The following ADAMTSL3 variants were observed in gnomAD, a reference collection of about 807,000 sequenced individuals.
ADAMTSL3 encodes ADAMTS-like protein 3.
ADAMTSL3 carries 128 observed loss-of-function variants against 201.7 expected under a neutral mutation model. That is an observed-to-expected ratio of 0.63 (90% CI 0.55 to 0.73). The LOEUF (loss-of-function observed/expected upper bound fraction) is 0.73. ADAMTSL3 is among the 30% of genes least tolerant of loss of function. The pLI is 0.00. For missense variants in ADAMTSL3, 1,990 were observed against 2,119.6 expected (o/e 0.94, Z 1.20); for synonymous variants, 738 against 748.4 (o/e 0.99, Z 0.23).
intron 4 of ADAMTSL3, among the ~76,000 whole-genome samples, chr15:83,801,645 A>T (rs28373543): frequency 0.51 from 22,010 of 43,054 alleles, 4,752 homozygotes; most frequent in East Asian, 0.72. Context: ...TAAATATATA[A>T]ATATAAATAT....
At chr15:83,839,107 T>C (rs147309900) in intron 7 of ADAMTSL3, among the ~76,000 whole-genome samples, 21 of 152,356 alleles carry the variant, frequency 1.4e-4, no homozygotes, top group African/African-American at 5.0e-4. Flanking sequence ...TTGTTTTTCT[T>C]TATAATAATT....
chr15:84,024,574 A>G (rs992282601), intron 26 of ADAMTSL3, among the ~76,000 whole-genome samples: 1 of 152,246 alleles, frequency 6.6e-6, no homozygotes, highest in African/African-American at 2.4e-5. Flanking sequence ...AACCATGGAC[A>G]TCATGTTAGA....
intron 3 of ADAMTSL3, among the ~76,000 whole-genome samples, chr15:83,731,619 A>G (rs1212873631): frequency 6.6e-6 from 1 of 152,088 alleles, no homozygotes; most frequent in Non-Finnish European, 1.5e-5. Context: ...TGTTCATTGC[A>G]GTGTTATACT....
At chr15:83,802,361 TTTA>T (rs1280203132) in intron 4 of ADAMTSL3, among the ~76,000 whole-genome samples, 1 of 152,116 alleles carries the variant, frequency 6.6e-6, no homozygotes, top group East Asian at 1.9e-4. Context: ...CTTCTAGGTA[TTTA>T]CCCAAGAGAA....
At chr15:83,664,930 C>T (rs1030265113) in intron 2 of ADAMTSL3, among the ~76,000 whole-genome samples, 10 of 152,082 alleles carry the variant, frequency 6.6e-5, no homozygotes, top group Non-Finnish European at 1.0e-4. Flanking sequence ...ACCCTGGGGA[C>T]GACCTTGAAG....
chr15:83,828,352 C>T (rs1013588336), intron 6 of ADAMTSL3, among the ~76,000 whole-genome samples: 3 of 152,178 alleles, frequency 2.0e-5, no homozygotes, highest in African/African-American at 7.2e-5. Context: ...TATAAGAATG[C>T]TTGTGATTTT....
intron 2 of ADAMTSL3, among the ~76,000 whole-genome samples, chr15:83,681,665 G>A (rs1020213890): frequency 6.6e-6 from 1 of 152,186 alleles, no homozygotes; most frequent in African/African-American, 2.4e-5. Flanking sequence ...GGCTGTGGAA[G>A]CTGGGGTCAT....
intron 15 of ADAMTSL3, among the ~76,000 whole-genome samples, chr15:83,903,944 A>AG (rs1727922340): frequency 5.6e-5 from 3 of 53,574 alleles, no homozygotes; most frequent in African/African-American, 2.8e-4. Context: ...AAAAAAAAAA[A>AG]GAAAAAAGAA....
intron 3 of ADAMTSL3, among the ~76,000 whole-genome samples, chr15:83,751,729 T>G (rs1302261660): frequency 6.6e-6 from 1 of 152,190 alleles, no homozygotes; most frequent in Non-Finnish European, 1.5e-5. Context: ...AGAGGTGACA[T>G]CCTCTTTATG....
intron 19 of ADAMTSL3, among the ~76,000 whole-genome samples, chr15:83,958,276 T>C (rs1380753395): frequency 8.5e-5 from 13 of 152,160 alleles, no homozygotes; most frequent in Admixed American, 6.5e-5. Flanking sequence ...GTGTGATTGG[T>C]TCCAGAGTGT....
At chr15:83,928,644 A>G (rs531765490) in intron 17 of ADAMTSL3, among the ~76,000 whole-genome samples, 4 of 152,346 alleles carry the variant, frequency 2.6e-5, no homozygotes, top group African/African-American at 9.6e-5. Flanking sequence ...GGTAGCCATA[A>G]TGTGTCATCA....
chr15:84,031,086 T>C (rs1422780127), intron 27 of ADAMTSL3, among the ~76,000 whole-genome samples: 1 of 152,190 alleles, frequency 6.6e-6, no homozygotes, highest in African/African-American at 2.4e-5. Context: ...CGGGTATGTC[T>C]TTAGAGCAGT....
intron 28 of ADAMTSL3, 74 bp from the exon 29 acceptor site, chr15:84,036,699 T>A: frequency 8.3e-7 from 1 of 1,198,474 alleles, no homozygotes; most frequent in East Asian, 2.5e-5. Flanking sequence ...GTAAAAAGGC[T>A]TGGTCCCAGC....
intron 23 of ADAMTSL3, 119 bp downstream of exon 23, chr15:83,991,333 A>G (rs2067578865): frequency 2.1e-6 from 3 of 1,402,028 alleles, no homozygotes; most frequent in Non-Finnish European, 2.9e-6. Flanking sequence ...TGATAGGCTT[A>G]AAAAAAAGAT....
At chr15:83,829,821 A>C (rs929496855) in intron 6 of ADAMTSL3, among the ~76,000 whole-genome samples, 8 of 152,128 alleles carry the variant, frequency 5.3e-5, no homozygotes, top group African/African-American at 1.7e-4. Context: ...TTCAGTTTCC[A>C]TGTAGTTGAG....
At chr15:83,830,787 G>C (rs2064139349) in intron 6 of ADAMTSL3, among the ~76,000 whole-genome samples, 1 of 152,184 alleles carries the variant, frequency 6.6e-6, no homozygotes. Flanking sequence ...CTCTCTTCCA[G>C]CTTCTGGTGC....
rs541037492 is a variant in ADAMTSL3 at position 83,990,254 on chromosome 15, A to G, written c.3845-832A>G. The stretch of plus-strand genomic sequence containing the variant: ...AGAATCGTGGCCTCCTACCTGTCTC[A>G]TCTTTCTCCAGTACAGCTTTGAATG... On this transcript the variant is annotated intron_variant, in intron 22 of 29. Transcript: ENST00000286744. Among the ~76,000 whole-genome samples, 10 of 152,298 alleles carry G rather than the reference A, an allele frequency of 6.6e-5. No homozygotes were observed. The East Asian group carries it at 1.7e-3, about 26-fold the overall frequency.
At chr15:83,773,443 A>C in intron 3 of ADAMTSL3, 80 bp from the exon 4 acceptor site, 3 of 1,465,760 alleles carry the variant, frequency 2.0e-6, no homozygotes, top group Non-Finnish European at 1.9e-6. Flanking sequence ...TAACTGGGGA[A>C]GATTTGGGAT....
intron 3 of ADAMTSL3, among the ~76,000 whole-genome samples, chr15:83,743,704 T>A (rs1334554692): frequency 6.6e-6 from 1 of 151,866 alleles, no homozygotes; most frequent in Non-Finnish European, 1.5e-5. Flanking sequence ...GTAACCAGAG[T>A]CTAACACTGT....
Sources: allele counts gnomAD v4.1 joint callset (sites outside exome capture counted in the v4.1 genomes callset), GRCh38; gene constraint gnomAD v4.1.1; transcripts MANE v1.5; gene names NCBI Gene and HGNC (gene_info 2026-07-23, HGNC 2026-07-21).